Variants in SORCS3 observed in about 807,000 individuals in gnomAD.
SORCS3 encodes VPS10 domain-containing receptor SorCS3.
A neutral mutation model predicts 146.3 loss-of-function variants in SORCS3; 57 were observed. The observed-to-expected ratio is 0.39, with a 90% CI of 0.31 to 0.49. The LOEUF (loss-of-function observed/expected upper bound fraction) is 0.49, where lower values mean the gene tolerates loss of function less well. Ranked by LOEUF, SORCS3 falls within the 20% of genes least tolerant of loss-of-function variation. SORCS3 has a pLI of 0.92. For missense variants in SORCS3, 1,341 were observed against 1,575.5 expected (o/e 0.85, Z 2.52); for synonymous variants, 653 against 618.5 (o/e 1.06, Z -0.83).
At chr10:105,145,012 T>G (rs1277274095) in intron 8 of SORCS3, among the ~76,000 whole-genome samples, 1 of 152,116 alleles carries the variant, frequency 6.6e-6, no homozygotes, top group Non-Finnish European at 1.5e-5. Flanking sequence ...CTGGAGGGCT[T>G]GTTCAGATGG....
intron 9 of SORCS3, among the ~76,000 whole-genome samples, chr10:105,156,686 C>T (rs937233063): frequency 1.3e-4 from 20 of 152,164 alleles, no homozygotes; most frequent in Admixed American, 3.9e-4. Flanking sequence ...GGATCATCTG[C>T]CCCAGGATAT....
intron 2 of SORCS3, among the ~76,000 whole-genome samples, chr10:104,847,556 C>G (rs2018219397): frequency 6.6e-6 from 1 of 152,152 alleles, no homozygotes. Context: ...GAGGTCACCA[C>G]AGGTATGCAG....
intron 1 of SORCS3, among the ~76,000 whole-genome samples, chr10:104,676,039 T>G (rs1447145649): frequency 6.6e-6 from 1 of 152,244 alleles, no homozygotes; most frequent in African/African-American, 2.4e-5. Context: ...AGTAGATTTA[T>G]TCCCAGGGAT....
intron 1 of SORCS3, among the ~76,000 whole-genome samples, chr10:104,648,529 A>G (rs1290460506): frequency 1.3e-5 from 2 of 152,166 alleles, no homozygotes; most frequent in Admixed American, 1.3e-4. Flanking sequence ...TTCTGGGGCC[A>G]TACTCTATAG....
At chr10:105,254,355 G>A (rs1249062306) in intron 23 of SORCS3, among the ~76,000 whole-genome samples, 1 of 152,140 alleles carries the variant, frequency 6.6e-6, no homozygotes, top group African/African-American at 2.4e-5. Flanking sequence ...GGTTATAAAG[G>A]CATGGATAAA....
At chr10:105,152,811 A>C (rs997453860) in intron 9 of SORCS3, among the ~76,000 whole-genome samples, 3 of 152,098 alleles carry the variant, frequency 2.0e-5, no homozygotes, top group South Asian at 4.2e-4. Flanking sequence ...CACATTCTTC[A>C]TTGTGCCTGT....
chr10:105,197,634 G>T (rs2056551155), intron 14 of SORCS3, among the ~76,000 whole-genome samples: 2 of 152,136 alleles, frequency 1.3e-5, no homozygotes, highest in Non-Finnish European at 2.9e-5. Flanking sequence ...TGTTCACATT[G>T]TGTGTGGAAA....
intron 5 of SORCS3, among the ~76,000 whole-genome samples, chr10:105,062,911 T>C (rs2055497448): frequency 6.6e-6 from 1 of 152,102 alleles, no homozygotes; most frequent in Non-Finnish European, 1.5e-5. Context: ...GGCTCAGAAA[T>C]CTACTCTGGT....
chr10:104,779,718 G>A (rs2133490807), intron 1 of SORCS3, among the ~76,000 whole-genome samples: 1 of 152,188 alleles, frequency 6.6e-6, no homozygotes, highest in South Asian at 2.1e-4. Flanking sequence ...GTGGTGCAGT[G>A]GCTTCTGCTG....
At chr10:105,102,766 A>G (rs139290619) in intron 6 of SORCS3, among the ~76,000 whole-genome samples, 1 of 149,310 alleles carries the variant, frequency 6.7e-6, no homozygotes. Flanking sequence ...TTTATATTTA[A>G]ATTACCTCTC....
At chr10:104,956,246 C>T (rs529356575) in intron 3 of SORCS3, among the ~76,000 whole-genome samples, 59 of 152,224 alleles carry the variant, frequency 3.9e-4, no homozygotes, top group African/African-American at 1.2e-3. Context: ...CTCTATAATC[C>T]GACATTACAA....
In SORCS3 at chr10:105,164,520, T is replaced by A. The variant is rs1270676816; in HGVS notation, c.1809+141T>A. 4.3e-6 allele frequency: 3 copies of A among 697,116 alleles called. No homozygotes were observed. In the East Asian group the frequency reaches 8.1e-5, roughly 19 times the overall value. 43.2% of individuals were successfully genotyped at this position (697,116 alleles called of 1,614,324 possible). On this transcript the variant is annotated intron_variant, in intron 12 of 26. Coordinates refer to ENST00000369701, the MANE Select transcript of SORCS3 (RefSeq NM_014978.3). ...AAGCAGCTGTTCAGTTTGGTCAATT[T>A]GGCTGGCAGGTTAGAGGGGTAATGG...
chr10:104,856,291 A>G (rs2018330603), intron 2 of SORCS3, among the ~76,000 whole-genome samples: 1 of 147,426 alleles, frequency 6.8e-6, no homozygotes, highest in Non-Finnish European at 1.5e-5. Context: ...CTCTCTCTAC[A>G]TATATATATA....
In SORCS3 at chr10:105,135,290, T is replaced by A. The variant is rs2056051580; in HGVS notation, c.1213-4107T>A. On this transcript the variant is annotated intron_variant, in intron 7 of 26. Transcript: ENST00000369701. Reference sequence around the variant, plus strand: ...GGCGATCAGAGACTTGAGGTAGTACTGGACAGACAGCCCCAACATTCCATG... The same window carrying A: ...GGCGATCAGAGACTTGAGGTAGTACAGGACAGACAGCCCCAACATTCCATG... 2.0e-5 allele frequency among the ~76,000 whole-genome samples: 3 copies of A among 152,126 alleles called. No homozygotes were observed. The South Asian group carries it at 6.2e-4, about 32-fold the overall frequency.
chr10:104,760,162 G>T (rs1275436915), intron 1 of SORCS3, among the ~76,000 whole-genome samples: 1 of 152,168 alleles, frequency 6.6e-6, no homozygotes, highest in Non-Finnish European at 1.5e-5. Flanking sequence ...AATGGCAGCT[G>T]AGCAGGAGAG....
chr10:104,977,560 G>T, intron 4 of SORCS3, 67 bp downstream of exon 4: 1 of 1,413,886 alleles, frequency 7.1e-7, no homozygotes. Flanking sequence ...TCACTTGCTT[G>T]CTTAATCCAC....
At chr10:104,836,951 C>CT (rs1336328592) in intron 1 of SORCS3, among the ~76,000 whole-genome samples, 1 of 152,182 alleles carries the variant, frequency 6.6e-6, no homozygotes, top group African/African-American at 2.4e-5. Context: ...CTACCATGCT[C>CT]TAAGACCCAG....
At chr10:104,813,233 A>T (rs1195359694) in intron 1 of SORCS3, among the ~76,000 whole-genome samples, 1 of 152,174 alleles carries the variant, frequency 6.6e-6, no homozygotes, top group African/African-American at 2.4e-5. Context: ...TCCTCAAGTG[A>T]CCAGACAGTT....
At chr10:105,078,025 T>C (rs2055599949) in intron 5 of SORCS3, among the ~76,000 whole-genome samples, 1 of 152,224 alleles carries the variant, frequency 6.6e-6, no homozygotes, top group South Asian at 2.1e-4. Flanking sequence ...CCTAGCGTTT[T>C]CACAGGACGA....
Sources: allele counts gnomAD v4.1 joint callset (sites outside exome capture counted in the v4.1 genomes callset), GRCh38; gene constraint gnomAD v4.1.1; transcripts MANE v1.5; gene names NCBI Gene and HGNC (gene_info 2026-07-23, HGNC 2026-07-21).